ADARB2: variants seen among roughly 807,000 people sequenced by gnomAD.
The protein encoded by ADARB2 is inactive double-stranded RNA-specific editase B2.
A neutral mutation model predicts 62.2 loss-of-function variants in ADARB2; 25 were observed. That is an observed-to-expected ratio of 0.40 (90% CI 0.29 to 0.56). ADARB2 has a LOEUF of 0.56. Among genes scored for constraint, ADARB2 ranks in the 20% least tolerant of loss-of-function variants. The pLI, the probability that ADARB2 is intolerant of heterozygous loss-of-function variation, is 0.43. For missense variants in ADARB2, 1,071 were observed against 1,077.4 expected (o/e 0.99, Z 0.08); for synonymous variants, 572 against 500.8 (o/e 1.14, Z -1.90).
chr10:1,550,785 G>T (rs943444936), intron 1 of ADARB2, among the ~76,000 whole-genome samples: 12 of 151,970 alleles, frequency 7.9e-5, no homozygotes, highest in African/African-American at 2.9e-4. Context: ...TAGTCATTTG[G>T]CAAGAGTGAA....
chr10:1,582,888 A>G (rs2132002021), intron 1 of ADARB2, among the ~76,000 whole-genome samples: 1 of 152,338 alleles, frequency 6.6e-6, no homozygotes, highest in South Asian at 2.1e-4. Context: ...CCCAGGGGCT[A>G]TAAGAGCCCC....
chr10:1,643,384 A>G (rs559672409), intron 1 of ADARB2, among the ~76,000 whole-genome samples: 9 of 152,322 alleles, frequency 5.9e-5, no homozygotes, highest in Admixed American at 2.0e-4. Flanking sequence ...TTCATACCAG[A>G]TGAGGCAACT....
intron 1 of ADARB2, among the ~76,000 whole-genome samples, chr10:1,435,292 T>G (rs1362512194): frequency 6.6e-6 from 1 of 152,184 alleles, no homozygotes; most frequent in African/African-American, 2.4e-5. Context: ...AAGCCGATGC[T>G]TTTGCATAAA....
At chr10:1,197,666 T>A (rs1836928893) in intron 8 of ADARB2, among the ~76,000 whole-genome samples, 1 of 152,252 alleles carries the variant, frequency 6.6e-6, no homozygotes. Context: ...TCATGTTCGT[T>A]GCCAAGACCT....
At chr10:1,411,213 T>G (rs1588248568) in intron 1 of ADARB2, among the ~76,000 whole-genome samples, 1 of 152,266 alleles carries the variant, frequency 6.6e-6, no homozygotes, top group East Asian at 1.9e-4. Flanking sequence ...GGGGCCTGGT[T>G]CAGGCCTTCT....
intron 3 of ADARB2, among the ~76,000 whole-genome samples, chr10:1,304,477 G>A (rs1050935815): frequency 6.6e-6 from 1 of 152,126 alleles, no homozygotes; most frequent in South Asian, 2.1e-4. Flanking sequence ...GAGACAGAAA[G>A]TCAACAAGGA....
chr10:1,658,812 G>C (rs1317058958), intron 1 of ADARB2, among the ~76,000 whole-genome samples: 2 of 152,246 alleles, frequency 1.3e-5, no homozygotes, highest in Non-Finnish European at 2.9e-5. Flanking sequence ...TGTGCTCTGA[G>C]CTAGTCTCGC....
intron 1 of ADARB2, among the ~76,000 whole-genome samples, chr10:1,491,856 G>A (rs1189914699): frequency 6.6e-6 from 1 of 152,290 alleles, no homozygotes; most frequent in Non-Finnish European, 1.5e-5. Context: ...AGTTTCTCCT[G>A]TTAAAAAGTA....
intron 3 of ADARB2, among the ~76,000 whole-genome samples, chr10:1,319,605 C>G (rs942815932): frequency 7.1e-6 from 1 of 140,438 alleles, no homozygotes; most frequent in African/African-American, 2.7e-5. Context: ...CCTCTTATAT[C>G]AGAACTTGAA....
intron 1 of ADARB2, among the ~76,000 whole-genome samples, chr10:1,468,110 C>A (rs185655223): frequency 6.6e-6 from 1 of 152,272 alleles, no homozygotes; most frequent in East Asian, 1.9e-4. Context: ...ATCAACCTGT[C>A]CTTATTTTCT....
intron 3 of ADARB2, among the ~76,000 whole-genome samples, chr10:1,349,315 C>T (rs186161306): frequency 5.9e-5 from 9 of 152,044 alleles, no homozygotes; most frequent in East Asian, 1.9e-4. Context: ...TACCTCCCTT[C>T]GCTGACTCTC....
chr10:1,244,364 G>A (rs978446888), intron 4 of ADARB2, among the ~76,000 whole-genome samples: 1 of 152,238 alleles, frequency 6.6e-6, no homozygotes, highest in Non-Finnish European at 1.5e-5. Flanking sequence ...CGACCGGTGC[G>A]CATGCAGTCT....
intron 1 of ADARB2, among the ~76,000 whole-genome samples, chr10:1,440,296 ATGGCCAC>A (rs1371405633): frequency 1.3e-5 from 2 of 152,202 alleles, no homozygotes; most frequent in African/African-American, 4.8e-5. Flanking sequence ...CAAACTGAAC[ATGGCCAC>A]TGATGAGCTA....
intron 1 of ADARB2, among the ~76,000 whole-genome samples, chr10:1,732,214 A>G (rs1835242509): frequency 6.6e-6 from 1 of 151,714 alleles, no homozygotes; most frequent in South Asian, 2.1e-4. Context: ...ACATGTATAT[A>G]TATAATATGT....
At chr10:1,602,639 T>G (rs1203344527) in intron 1 of ADARB2, among the ~76,000 whole-genome samples, 1 of 144,838 alleles carries the variant, frequency 6.9e-6, no homozygotes, top group African/African-American at 2.5e-5. Context: ...TCCACATACA[T>G]ATGCACACAC....
intron 4 of ADARB2, among the ~76,000 whole-genome samples, chr10:1,245,948 A>C (rs199732140): frequency 0.84 from 127,089 of 150,482 alleles, 53,870 homozygotes; most frequent in Middle Eastern, 0.92. Context: ...GTTTACAGTC[A>C]CACCAACAGG....
At chr10:1,197,279 C>T (rs78353275) in intron 8 of ADARB2, among the ~76,000 whole-genome samples, 3,450 of 152,212 alleles carry the variant, frequency 0.023, 119 homozygotes, top group African/African-American at 0.079. Context: ...TTTTGAAAAT[C>T]TGGACTCATA....
chr10:1,403,125 C>T (rs1158548320), intron 1 of ADARB2, among the ~76,000 whole-genome samples: 1 of 152,252 alleles, frequency 6.6e-6, no homozygotes, highest in Non-Finnish European at 1.5e-5. Context: ...GAAAGGCCGG[C>T]TGCTGCCTCC....
In ADARB2 at chr10:1,214,358, C is replaced by CGCATGGGTTTGCACCTGTGTCCAGCATT. The variant is rs1167119845; in HGVS notation, c.1682+2592_1682+2593insAATGCTGGACACAGGTGCAAACCCATGC. 3.8e-3 allele frequency among the ~76,000 whole-genome samples: 375 copies of CGCATGGGTTTGCACCTGTGTCCAGCATT among 99,422 alleles called. 12 individuals carry two copies. The highest frequency in any genetic ancestry group is 0.011 in the Middle Eastern group (2 of 190). The allele number at this position is 99,422 out of a possible 152,430, so 65.2% of individuals were successfully genotyped here. ...CACCTGTGCCTGGACCTGCCGGCGT[C>CGCATGGGTTTGCACCTGTGTCCAGCATT]GCATGGGTTTGCACCTGTGCCTGGA... On this transcript the variant is annotated intron_variant, in intron 7 of 9. Coordinates refer to ENST00000381312, the MANE Select transcript of ADARB2 (RefSeq NM_018702.4).
Sources: gnomAD v4.1 joint callset for allele counts (sites outside exome capture counted in the v4.1 genomes callset) on GRCh38, gnomAD v4.1.1 for gene constraint, MANE v1.5 for transcripts, NCBI Gene and HGNC (gene_info 2026-07-23, HGNC 2026-07-21) for gene names.